CFAP69: variants seen among roughly 807,000 people sequenced by gnomAD.
The protein encoded by CFAP69 is cilia- and flagella-associated protein 69.
CFAP69 carries 92 observed loss-of-function variants against 123.0 expected under a neutral mutation model. The ratio of observed to expected loss-of-function variants is 0.75; its 90% CI spans 0.63 to 0.89. The LOEUF (loss-of-function observed/expected upper bound fraction) is 0.89. Among genes scored for constraint, CFAP69 ranks in the 40% least tolerant of loss-of-function variants. CFAP69 has a pLI of 0.00. For missense variants in CFAP69, 1,067 were observed against 1,096.9 expected, an observed-to-expected ratio of 0.97 and a Z score of 0.39; for synonymous variants, 380 against 364.3, an observed-to-expected ratio of 1.04 and a Z score of -0.49.
intron 10 of CFAP69, 34 bp downstream of exon 10, chr7:90,277,155 T>A: frequency 6.3e-7 from 1 of 1,575,322 alleles, no homozygotes; most frequent in Admixed American, 1.9e-5. Flanking sequence ...TTCTTATAAT[T>A]ATCTTGATAA....
chr7:90,323,150 T>C, the CFAP69 span, among the ~76,000 whole-genome samples: 106 of 152,328 alleles, frequency 7.0e-4, no homozygotes, highest in African/African-American at 2.4e-3. Flanking sequence ...CTGAAAGTGA[T>C]CTAGAAATTT....
intron 18 of CFAP69, chr7:90,304,503 G>A: frequency 1.6e-6 from 2 of 1,272,662 alleles, no homozygotes; most frequent in Non-Finnish European, 2.0e-6. Context: ...CTACAACACA[G>A]AAAGAAATGA....
At position 90,292,371 on chromosome 7, in the gene CFAP69, A is replaced by T. The variant is rs531414830; in HGVS notation, c.1775+4019A>T. 3.9e-5 allele frequency among the ~76,000 whole-genome samples: 6 copies of T among 152,294 alleles called. No individual in the cohort carries two copies. In the East Asian group the frequency reaches 1.2e-3, roughly 29 times the overall value. On this transcript the variant is annotated intron_variant, in intron 15 of 22. Transcript: ENST00000389297. ...ACCACAGGCCAGGAACCCTATACAG[A>T]GACTGTGTAGACAAAGTATCAAGTT...
intron 1 of CFAP69, among the ~76,000 whole-genome samples, chr7:90,250,455 G>A (rs957257779): frequency 1.3e-5 from 2 of 152,058 alleles, no homozygotes; most frequent in Non-Finnish European, 2.9e-5. Flanking sequence ...CACATGAAAG[G>A]ACCACTATAA....
chr7:90,300,310 AT>A (rs1792607143), intron 17 of CFAP69: 1 of 778,202 alleles, frequency 1.3e-6, no homozygotes, highest in East Asian at 9.5e-5. Context: ...TAAAAAAAAA[AT>A]TAAAGTAGTT....
At chr7:90,272,605 A>C (rs1456343452) in intron 8 of CFAP69, among the ~76,000 whole-genome samples, 1 of 152,196 alleles carries the variant, frequency 6.6e-6, no homozygotes, top group African/African-American at 2.4e-5. Context: ...CAATATAGAA[A>C]ATTTATGGCT....
chr7:90,314,499 C>A (rs1584584735), downstream of CFAP69, among the ~76,000 whole-genome samples: 1 of 151,602 alleles, frequency 6.6e-6, no homozygotes, highest in South Asian at 2.1e-4. Context: ...TGGTGTAGAC[C>A]ACAACCGTAG....
intron 4 of CFAP69, 31 bp downstream of exon 4, chr7:90,262,087 A>G: frequency 7.8e-7 from 1 of 1,274,426 alleles, no homozygotes; most frequent in Admixed American, 2.0e-5. Context: ...TTTATTTTGT[A>G]GTAACATGGA....
In CFAP69 at chr7:90,277,288, T is replaced by C. The variant is rs770972536; in HGVS notation, c.1109T>C (p.Leu370Pro). 1 of 1,587,898 alleles carries C rather than the reference T, an allele frequency of 6.3e-7. No homozygotes were observed. The highest frequency in any genetic ancestry group is 8.6e-7 in the Non-Finnish European group (1 of 1,165,622). Reference sequence around the variant, plus strand: ...GAAGATTTTGAGTTGAAGAAATTACTATTCAACGTAATTGTGATCTTATGT... The same window carrying C: ...GAAGATTTTGAGTTGAAGAAATTACCATTCAACGTAATTGTGATCTTATGT... Reference protein sequence around the residue: ...SYEDFELKKLLFNVIVILCKD... With the variant: ...SYEDFELKKLPFNVIVILCKD... The change falls in exon 11 of 23, where the codon CTA becomes CCA. Residue 370 changes from leucine (L) to proline (P), a missense_variant. Physicochemically the swap from Leu to Pro is moderately conservative, Grantham distance 98 (BLOSUM62 -3). Transcript: ENST00000389297.
chr7:90,255,869 A>G (rs1797583389), intron 2 of CFAP69, among the ~76,000 whole-genome samples: 1 of 152,222 alleles, frequency 6.6e-6, no homozygotes, highest in Non-Finnish European at 1.5e-5. Context: ...ACACACAAAC[A>G]TGTACACATA....
At chr7:90,298,067 A>C (rs1792260147) in intron 16 of CFAP69, among the ~76,000 whole-genome samples, 1 of 152,250 alleles carries the variant, frequency 6.6e-6, no homozygotes, top group Non-Finnish European at 1.5e-5. Flanking sequence ...GTTTTCAAAT[A>C]CACGGGAACA....
At chr7:90,259,571 A>G (rs1798059034) in intron 3 of CFAP69, among the ~76,000 whole-genome samples, 1 of 152,070 alleles carries the variant, frequency 6.6e-6, no homozygotes, top group South Asian at 2.1e-4. Context: ...GCTCACTGCA[A>G]CTTCAAACTC....
chr7:90,313,107 T>G (rs1447831608), downstream of CFAP69, among the ~76,000 whole-genome samples: 1 of 152,214 alleles, frequency 6.6e-6, no homozygotes, highest in Non-Finnish European at 1.5e-5. Context: ...TTATCCACCT[T>G]AAGTCTTTTG....
chr7:90,259,144 G>A (rs976357609), intron 3 of CFAP69, among the ~76,000 whole-genome samples: 9 of 152,120 alleles, frequency 5.9e-5, no homozygotes, highest in Admixed American at 5.2e-4. Context: ...CAGGTGTGAT[G>A]GCTTACACCT....
intron 5 of CFAP69, among the ~76,000 whole-genome samples, chr7:90,266,784 G>C (rs564999160): frequency 6.6e-6 from 1 of 151,938 alleles, no homozygotes; most frequent in Non-Finnish European, 1.5e-5. Flanking sequence ...TAAAATAATT[G>C]TATATAAGAT....
At chr7:90,317,002 T>G in the CFAP69 span, 4 of 149,038 alleles carry the variant, frequency 2.7e-5, no homozygotes, top group Non-Finnish European at 4.4e-5. Flanking sequence ...AAGAGAACTG[T>G]TTTTTTTGAG....
intron 15 of CFAP69, among the ~76,000 whole-genome samples, chr7:90,291,222 T>C (rs1216470008): frequency 6.6e-6 from 1 of 152,132 alleles, no homozygotes; most frequent in Non-Finnish European, 1.5e-5. Context: ...TTCCCATTTG[T>C]ATGGTTATTT....
At chr7:90,293,161 G>A (rs1791455318) in intron 15 of CFAP69, among the ~76,000 whole-genome samples, 1 of 152,104 alleles carries the variant, frequency 6.6e-6, no homozygotes, top group African/African-American at 2.4e-5. Flanking sequence ...ATAGCCCAAA[G>A]AAAGCTAAAT....
chr7:90,280,872 G>GA (rs1427610565), intron 12 of CFAP69, among the ~76,000 whole-genome samples: 2 of 151,992 alleles, frequency 1.3e-5, no homozygotes, highest in African/African-American at 4.8e-5. Flanking sequence ...CATGAAGGAG[G>GA]AAAAAATGAT....
Sources: allele counts gnomAD v4.1 joint callset (sites outside exome capture counted in the v4.1 genomes callset), GRCh38; gene constraint gnomAD v4.1.1; transcripts MANE v1.5; gene names NCBI Gene and HGNC (gene_info 2026-07-23, HGNC 2026-07-21).